Variants in ACSL1 observed in about 807,000 individuals in gnomAD.
ACSL1 encodes the protein long-chain-fatty-acid--CoA ligase 1.
Under a neutral mutation model 98.4 loss-of-function variants are expected in ACSL1, and 41 were observed. The observed-to-expected ratio is 0.42, with a 90% CI of 0.32 to 0.54. The LOEUF (loss-of-function observed/expected upper bound fraction) is 0.54. ACSL1 is among the 20% of genes least tolerant of loss of function. The probability of loss-of-function intolerance (pLI) is 0.13; values close to 1 mark genes in which losing one functional copy is unlikely to be tolerated. For synonymous variants in ACSL1, 316 were observed against 322.7 expected, an observed-to-expected ratio of 0.98 and a Z score of 0.22; for missense variants, 734 against 883.1, an observed-to-expected ratio of 0.83 and a Z score of 2.14.
At chr4:184,809,515 G>A (rs1201377733) in intron 1 of ACSL1, among the ~76,000 whole-genome samples, 3 of 152,084 alleles carry the variant, frequency 2.0e-5, no homozygotes, top group Non-Finnish European at 4.4e-5. Context: ...TCATTAGGCC[G>A]GGCGCGGTGG....
rs1762249930 is a variant in ACSL1 at position 184,757,343 on chromosome 4, G to C, written c.1957-78C>G. On this transcript the variant is annotated intron_variant, in intron 20 of 20. Coordinates refer to ENST00000281455, the MANE Select transcript of ACSL1 (RefSeq NM_001995.5). The surrounding 1 kb of genome is among the most constrained non-coding windows in gnomAD (Gnocchi z 4.5). ...TCAAAAGCACGTAAGCCTTGGAGGG[G>C]ATCAACACTCTCCAGCCATCCAATC... The C allele has an allele frequency of 1.3e-6, 2 of 1,496,754 alleles. No individual in the cohort carries two copies. Among genetic ancestry groups the C allele is most frequent in the Non-Finnish European group, 1.8e-6 (2 of 1,111,540 alleles). The allele number at this position is 1,496,754 out of a possible 1,614,324, so 92.7% of individuals were successfully genotyped here.
intron 1 of ACSL1, among the ~76,000 whole-genome samples, chr4:184,808,783 T>C (rs1345269517): frequency 6.6e-6 from 1 of 152,164 alleles, no homozygotes; most frequent in African/African-American, 2.4e-5. Flanking sequence ...AAAAGAGCAG[T>C]CAGGCTCTCC....
At chr4:184,810,188 C>T (rs1341629684) in intron 1 of ACSL1, among the ~76,000 whole-genome samples, 1 of 152,124 alleles carries the variant, frequency 6.6e-6, no homozygotes, top group East Asian at 1.9e-4. Context: ...AGCTGAAACC[C>T]TAAGAAATAA....
chr4:184,768,225 T>C (rs1167132572), intron 12 of ACSL1, 91 bp downstream of exon 12: 16 of 1,389,470 alleles, frequency 1.2e-5, no homozygotes, highest in Admixed American at 5.0e-5. Context: ...TCCAGGGTCA[T>C]ACAGATGGCA....
Position 184,788,729 on chromosome 4 carries a change from A to G in ACSL1, c.198T>C (p.Gly66=). The G allele has an allele frequency of 6.2e-7, 1 of 1,613,744 alleles. No individual in the cohort carries two copies. Among genetic ancestry groups the G allele is most frequent in the Non-Finnish European group, 8.5e-7 (1 of 1,179,778 alleles). ...GTGCGGATCTTCGTGCACCACCACT[A>G]CCCTATCAAAAAAGAAAGGGGGGCA... The part of the protein sequence containing the change: ...DLSMQSVEVA[G]SGGARRSALL... The change falls in exon 3 of 21, where the codon GGT becomes GGC. Residue 66 remains glycine (G), a splice_region_variant and synonymous_variant. Transcript: ENST00000281455.
chr4:184,764,204 G>A (rs902411516), intron 15 of ACSL1, among the ~76,000 whole-genome samples: 79 of 152,294 alleles, frequency 5.2e-4, no homozygotes, highest in Middle Eastern at 6.8e-3. Context: ...ATAATGCCGC[G>A]TAAATTCTCA....
rs574966328 is a variant in ACSL1 at position 184,787,904 on chromosome 4, A to G, written c.310+713T>C. Among the ~76,000 whole-genome samples the G allele has an allele frequency of 7.9e-4, 119 of 151,568 alleles. No homozygotes were observed. The South Asian group carries it at 0.02, about 25-fold the overall frequency. On this transcript the variant is annotated intron_variant, in intron 3 of 20. Coordinates refer to ENST00000281455, the MANE Select transcript of ACSL1 (RefSeq NM_001995.5). ...TGCACAAGTCTGGGCATGGTGGCTC[A>G]CACCTGTAGTCCCAGTGCTTTGGGA... is the stretch of plus-strand genomic sequence containing the variant.
intron 18 of ACSL1, among the ~76,000 whole-genome samples, 173 bp downstream of exon 18, chr4:184,760,184 G>A (rs1015945917): frequency 1.3e-5 from 2 of 152,130 alleles, no homozygotes; most frequent in African/African-American, 4.8e-5. Flanking sequence ...AAATTTTCCT[G>A]AGCAGGAAAT....
intron 4 of ACSL1, among the ~76,000 whole-genome samples, chr4:184,781,189 C>T (rs956998285): frequency 6.9e-6 from 1 of 145,978 alleles, no homozygotes; most frequent in South Asian, 2.2e-4. Context: ...TGAGATCACC[C>T]CACCGCACTC....
At chr4:184,787,599 C>T (rs1306680533) in intron 3 of ACSL1, among the ~76,000 whole-genome samples, 1 of 152,130 alleles carries the variant, frequency 6.6e-6, no homozygotes, top group Non-Finnish European at 1.5e-5. Flanking sequence ...CATGGTGACT[C>T]GCGCCTGTAA....
intron 3 of ACSL1, among the ~76,000 whole-genome samples, chr4:184,785,268 C>T (rs1436565965): frequency 6.6e-6 from 1 of 152,192 alleles, no homozygotes; most frequent in East Asian, 1.9e-4. Flanking sequence ...GAACTTGATA[C>T]TATACCAGGT....
chr4:184,765,909 T>C lies in ACSL1; in HGVS notation c.1341A>G (p.Arg447=). 6.2e-7 allele frequency: 1 copy of C among 1,614,002 alleles called. No homozygotes were observed. The highest frequency in any genetic ancestry group is 8.5e-7 in the Non-Finnish European group (1 of 1,179,972). ...ACCTCACCTGACAGCCCAGGGCTGC[T>C]CTGAGGAACGTCAGCACAGTGGCAG... is the stretch of plus-strand genomic sequence containing the variant. ...PVSATVLTFL[R]AALGCQFYEG... is the part of the protein sequence containing the mutation. Residue 447 remains arginine, a synonymous_variant, in exon 14 of 21, where the codon AGA becomes AGG. Coordinates refer to ENST00000281455, the MANE Select transcript of ACSL1 (RefSeq NM_001995.5).
At position 184,803,866 on chromosome 4, in the gene ACSL1, T is replaced by C. The variant is rs1426276510; in HGVS notation, c.-32-320A>G. 6.6e-6 allele frequency among the ~76,000 whole-genome samples: 1 copy of C among 152,204 alleles called. No homozygotes were observed. Among genetic ancestry groups the C allele is most frequent in the Non-Finnish European group, 1.5e-5 (1 of 68,038 alleles). On this transcript the variant is annotated intron_variant, in intron 1 of 20. Transcript: ENST00000281455. The surrounding 1 kb of genome is among the most constrained non-coding windows in gnomAD (Gnocchi z 4.8). ...AAACTCAAATAAGTAGATTTAAGTT[T>C]CTATTTTCTTCTTTGCTACTACGTC...
Position 184,756,999 on chromosome 4 carries a change from T to C in ACSL1, c.*126A>G. On this transcript the variant is annotated 3_prime_UTR_variant, in exon 21 of 21. Coordinates refer to ENST00000281455, the MANE Select transcript of ACSL1 (RefSeq NM_001995.5). ...GCATTCCTATGAGAAGAACCCCGAA[T>C]GGACAAGTCAAACACGAACGCTTCC... is the stretch of plus-strand genomic sequence containing the variant. 8.2e-7 allele frequency: 1 copy of C among 1,225,984 alleles called. No homozygotes were observed. Among genetic ancestry groups the C allele is most frequent in the Non-Finnish European group, 1.1e-6 (1 of 897,882 alleles). The allele number at this position is 1,225,984 out of a possible 1,614,324, so 75.9% of individuals were successfully genotyped here. A position where few individuals can be genotyped will look rare whatever the true frequency, so the allele number is the denominator to read the frequency against.
At chr4:184,808,892 C>G (rs1189314408) in intron 1 of ACSL1, among the ~76,000 whole-genome samples, 2 of 152,208 alleles carry the variant, frequency 1.3e-5, no homozygotes, top group African/African-American at 4.8e-5. Context: ...ACTGATCTCC[C>G]TGACTGTGGT....
At chr4:184,791,148 C>T (rs1273239400) in intron 2 of ACSL1, among the ~76,000 whole-genome samples, 2 of 152,244 alleles carry the variant, frequency 1.3e-5, no homozygotes, top group African/African-American at 4.8e-5. Context: ...CCTCTTGACA[C>T]AACAGAAATG....
At chr4:184,769,671 C>T (rs985972679) in intron 11 of ACSL1, among the ~76,000 whole-genome samples, 1 of 152,224 alleles carries the variant, frequency 6.6e-6, no homozygotes, top group Non-Finnish European at 1.5e-5. Context: ...GGGCAGCTGT[C>T]ATCCAAAGCA....
rs185661242 is a variant in ACSL1 at position 184,821,382 on chromosome 4, A to G, written c.-33+4534T>C. The G allele has an allele frequency of 1.9e-5, 5 of 258,298 alleles. No individual in the cohort carries two copies. In the Admixed American group the frequency reaches 2.4e-4, roughly 13 times the overall value. 16.0% of individuals were successfully genotyped at this position (258,298 alleles called of 1,614,324 possible). A position where few individuals can be genotyped will look rare whatever the true frequency, so the allele number is the denominator to read the frequency against. On this transcript the variant is annotated intron_variant, in intron 1 of 20. Transcript: ENST00000281455. ...GAAAGTGCCCATTTCTATAGCAGCC[A>G]AAGCTGTGCTAATGGATAGAGCCTA...
intron 17 of ACSL1, 137 bp from the exon 18 acceptor site, chr4:184,760,637 G>T: frequency 7.8e-7 from 1 of 1,287,426 alleles, no homozygotes; most frequent in Non-Finnish European, 1.1e-6. Flanking sequence ...GGTCAGTTAT[G>T]ATCCCATTTT....
Sources: gnomAD v4.1 joint callset for allele counts (sites outside exome capture counted in the v4.1 genomes callset) on GRCh38, gnomAD v4.1.1 for gene constraint, Gnocchi (gnomAD v3.1) non-coding constraint, MANE v1.5 for transcripts, NCBI Gene and HGNC (gene_info 2026-07-23, HGNC 2026-07-21) for gene names.